BLOC1S3: variants seen among roughly 807,000 people sequenced by gnomAD.
BLOC1S3 encodes the protein biogenesis of lysosome-related organelles complex 1 subunit 3.
BLOC1S3 carries 7 observed loss-of-function variants against 9.1 expected under a neutral mutation model. The observed-to-expected ratio is 0.77, with a 90% confidence interval of 0.44 to 1.45. The LOEUF (loss-of-function observed/expected upper bound fraction) is 1.45, where lower values mean the gene tolerates loss of function less well. BLOC1S3 is among the 40% of genes most tolerant of loss of function. The pLI is 0.01. For synonymous variants in BLOC1S3, 145 were observed against 158.4 expected (o/e 0.92, Z 0.64); for missense variants, 307 against 315.2 (o/e 0.97, Z 0.20).
chr19:45,203,357 T>C (rs1194767284), intron 3 of BLOC1S3, among the ~76,000 whole-genome samples: 2 of 152,162 alleles, frequency 1.3e-5, no homozygotes, highest in African/African-American at 4.8e-5. Context: ...CACTGCAATC[T>C]CTGCCTCTTG....
rs145366412 is a variant in BLOC1S3, at chr19:45,192,254, A to G, written n.180+4514A>G. Among the ~76,000 whole-genome samples the G allele has an allele frequency of 3.3e-5, 5 of 152,172 alleles. No individual in the cohort carries two copies. In the East Asian group the frequency reaches 9.7e-4, roughly 29 times the overall value. ...GGCTACTGCCGGTGTTCATTTAAGG[A>G]CCAAGGTCTCTTCAGTCAGCTTGTG... is the stretch of plus-strand genomic sequence containing the variant. On this transcript the variant is annotated intron_variant and non_coding_transcript_variant, in intron 2 of 3. Transcript: ENST00000591569.
intron 3 of BLOC1S3, chr19:45,216,191 A>C: frequency 6.2e-7 from 1 of 1,612,358 alleles, no homozygotes; most frequent in Non-Finnish European, 8.5e-7. Context: ...GAGGCCTGGG[A>C]CTCCTGCAGG....
downstream of BLOC1S3, chr19:45,181,860 T>TCTC (rs1969525741): frequency 6.0e-6 from 1 of 166,498 alleles, no homozygotes; most frequent in Admixed American, 6.5e-5. Context: ...GGTTGATTTC[T>TCTC]CTGAGAATGG....
Position 45,178,809 on chromosome 19 carries a change from A to G in BLOC1S3, c.-32A>G, listed in dbSNP as rs373669358. The G allele has an allele frequency of 2.5e-5, 4 of 158,372 alleles. No homozygotes were observed. Among genetic ancestry groups the G allele is most frequent in the East Asian group, 1.9e-4 (1 of 5,382 alleles). 9.8% of individuals were successfully genotyped at this position (158,372 alleles called of 1,614,324 possible). The stretch of plus-strand genomic sequence containing the variant: ...ACTCGGGTTAGGAAGCGGATCTCGC[A>G]AGCTCCGAGCGTCAGCTGCCGGGTA... On this transcript the variant is annotated 5_prime_UTR_variant, in exon 1 of 2. Coordinates refer to ENST00000433642, the MANE Select transcript of BLOC1S3 (RefSeq NM_212550.5).
In BLOC1S3 at chr19:45,215,966, T is replaced by C. The variant is rs957336608; in HGVS notation, n.283-710T>C. On this transcript the variant is annotated intron_variant and non_coding_transcript_variant, in intron 3 of 3. Transcript: ENST00000591569. ...AGCAGGAAACGGCCGTCAGACACGC[T>C]CACCGGCTCCCTCCCTCAGGAGGCA... 6.7e-6 allele frequency: 10 copies of C among 1,492,866 alleles called. No homozygotes were observed. The African/African-American group carries it at 1.4e-4, about 21-fold the overall frequency. The allele number at this position is 1,492,866 out of a possible 1,614,324, so 92.5% of individuals were successfully genotyped here.
chr19:45,208,867 A>C (rs1373965650), intron 3 of BLOC1S3, among the ~76,000 whole-genome samples: 1 of 152,176 alleles, frequency 6.6e-6, no homozygotes, highest in Non-Finnish European at 1.5e-5. Flanking sequence ...AAAAAATAAC[A>C]TATCAAAATA....
At chr19:45,213,056 G>A (rs775613430) in intron 3 of BLOC1S3, 68 of 1,471,934 alleles carry the variant, frequency 4.6e-5, no homozygotes, top group Non-Finnish European at 5.8e-5. Flanking sequence ...TAAGGCCGGC[G>A]GTTGGGTGAC....
chr19:45,178,966 T>C (rs1969460802), intron 1 of BLOC1S3, 135 bp downstream of exon 1: 3 of 260,542 alleles, frequency 1.2e-5, no homozygotes, highest in Admixed American at 1.1e-4. Context: ...GGGTCTGAGA[T>C]TGGCATGGTG....
Position 45,213,106 on chromosome 19 carries a change from C to T in BLOC1S3, n.283-3570C>T, listed in dbSNP as rs189063316. 0.016 allele frequency: 24,920 copies of T among 1,536,724 alleles called. 257 individuals are homozygous for T. Among genetic ancestry groups the T allele is most frequent in the South Asian group, 0.026 (2,111 of 80,116 alleles). On this transcript the variant is annotated intron_variant and non_coding_transcript_variant, in intron 3 of 3. Transcript: ENST00000591569. ...CCGAGGTCGCGCTAGAGACGGAGGC[C>T]GGGGCCGAGGCAGACAGGCCAAACT...
chr19:45,180,185 C>T lies in BLOC1S3; in HGVS notation c.*280C>T, dbSNP rs1426318538. ...CCTTCCCCTGGGGCTTGGCTCCAGC[C>T]TTTGTTACATAGTTGCTCCTTAATC... On this transcript the variant is annotated 3_prime_UTR_variant, in exon 2 of 2. Coordinates refer to ENST00000433642, the MANE Select transcript of BLOC1S3 (RefSeq NM_212550.5). The T allele has an allele frequency of 7.9e-6, 3 of 379,482 alleles. No homozygotes were observed. The highest frequency in any genetic ancestry group is 4.3e-5 in the African/African-American group (2 of 46,548). 23.5% of individuals were successfully genotyped at this position (379,482 alleles called of 1,614,324 possible).
intron 3 of BLOC1S3, among the ~76,000 whole-genome samples, chr19:45,208,251 C>T (rs1465296388): frequency 2.0e-5 from 3 of 150,958 alleles, no homozygotes; most frequent in Non-Finnish European, 3.0e-5. Flanking sequence ...GGATTACAGG[C>T]ATGAGCCACC....
At chr19:45,204,973 A>C (rs904181545) in intron 3 of BLOC1S3, among the ~76,000 whole-genome samples, 1 of 151,674 alleles carries the variant, frequency 6.6e-6, no homozygotes, top group African/African-American at 2.4e-5. Flanking sequence ...ACCTCGCGTA[A>C]TCCCCCCACC....
In BLOC1S3 at chr19:45,195,976, G is replaced by A. The variant is rs146992532; in HGVS notation, n.181-6430G>A. On this transcript the variant is annotated intron_variant and non_coding_transcript_variant, in intron 2 of 3. Coordinates refer to the BLOC1S3 transcript ENST00000591569. ...GCTGAGCCATTCTGTTTACTTATAC[G>A]GTGACCAAGCCATCTGCTAGTCATT... 4.1e-3 allele frequency among the ~76,000 whole-genome samples: 619 copies of A among 152,226 alleles called. 6 individuals carry two copies. The highest frequency in any genetic ancestry group is 0.014 in the African/African-American group (568 of 41,534).
Position 45,181,382 on chromosome 19 carries a change from CAACTCTGTAGGCCA to C in BLOC1S3, c.*1479_*1492del, listed in dbSNP as rs1354228276. On this transcript the variant is annotated 3_prime_UTR_variant, in exon 2 of 2. Coordinates refer to ENST00000433642, the MANE Select transcript of BLOC1S3 (RefSeq NM_212550.5). Reference sequence around the variant, plus strand: ...TCCAGGCCAAGATGATGCTCGCTCTCAACTCTGTAGGCCAAGGTGGCGTCTCCTCTTGACTCTCC... The same window carrying C: ...TCCAGGCCAAGATGATGCTCGCTCTCAGGTGGCGTCTCCTCTTGACTCTCC... 3.6e-5 allele frequency: 6 copies of C among 167,192 alleles called. No homozygotes were observed. The highest frequency in any genetic ancestry group is 1.4e-4 in the African/African-American group (6 of 41,464). The allele number at this position is 167,192 out of a possible 1,614,324, so 10.4% of individuals were successfully genotyped here.
rs1969466369 is a variant in BLOC1S3, at chr19:45,179,206, A to AG, written c.-9-78dup. 7.3e-7 allele frequency: 1 copy of AG among 1,377,484 alleles called. No individual in the cohort carries two copies. Among genetic ancestry groups the AG allele is most frequent in the African/African-American group, 1.5e-5 (1 of 65,576 alleles). The allele number at this position is 1,377,484 out of a possible 1,614,324, so 85.3% of individuals were successfully genotyped here. A position where few individuals can be genotyped will look rare whatever the true frequency, so the allele number is the denominator to read the frequency against. ...ACCAAGTCGTTAAGAGAATCAGCGA[A>AG]GGGGCTGGGAATCCAGGACCTGCGC... On this transcript the variant is annotated intron_variant, in intron 1 of 1. Transcript: ENST00000433642. The surrounding 1 kb of genome is among the most constrained non-coding windows in gnomAD (Gnocchi z 4.6).
At chr19:45,182,350 G>A (rs4580299), downstream of BLOC1S3, among the ~76,000 whole-genome samples, 2,794 of 152,080 alleles carry the variant, frequency 0.018, 37 homozygotes, top group Non-Finnish European at 0.031. Context: ...ACTCCAGCCC[G>A]AGCGACAGAG....
intron 3 of BLOC1S3, chr19:45,213,089 G>A (rs773913818): frequency 7.3e-6 from 11 of 1,513,800 alleles, no homozygotes; most frequent in East Asian, 4.7e-5. Context: ...GCCCGAGGTC[G>A]CGCTAGAGAC....
chr19:45,204,711 A>G (rs1279489973), intron 3 of BLOC1S3, among the ~76,000 whole-genome samples: 1 of 151,876 alleles, frequency 6.6e-6, no homozygotes, highest in Non-Finnish European at 1.5e-5. Flanking sequence ...TCTGCATAGC[A>G]TGGCAGTCTC....
At chr19:45,212,998 G>A in intron 3 of BLOC1S3, 3 of 1,403,542 alleles carry the variant, frequency 2.1e-6, no homozygotes, top group East Asian at 2.7e-5. Context: ...GGAGTCAGGA[G>A]GGGCGCCGTA....
Sources: gnomAD v4.1 joint callset for allele counts (sites outside exome capture counted in the v4.1 genomes callset) on GRCh38, gnomAD v4.1.1 for gene constraint, Gnocchi (gnomAD v3.1) non-coding constraint, MANE v1.5 for transcripts, NCBI Gene and HGNC (gene_info 2026-07-23, HGNC 2026-07-21) for gene names.